Variants in CCDC110 observed in about 807,000 individuals in gnomAD.
CCDC110 encodes the protein coiled-coil domain-containing protein 110.
A neutral mutation model predicts 77.1 loss-of-function variants in CCDC110; 70 were observed. The observed-to-expected ratio is 0.91, with a 90% CI of 0.75 to 1.11. The LOEUF is 1.11. Ranked by LOEUF, CCDC110 falls within the 50% of genes least tolerant of loss-of-function variation. The probability of loss-of-function intolerance (pLI) is 0.00; values close to 1 mark genes in which losing one functional copy is unlikely to be tolerated. For missense variants in CCDC110, 868 were observed against 942.9 expected (o/e 0.92, Z 1.04); for synonymous variants, 295 against 312.5 (o/e 0.94, Z 0.59).
chr4:185,465,560 A>G lies in CCDC110; in HGVS notation c.116-2511T>C, dbSNP rs556705396. On this transcript the variant is annotated intron_variant, in intron 2 of 6. Transcript: ENST00000307588. ...AGGAGACAGGGGCTAGGTTATGCAG[A>G]GCCTCCAGGCCAAGCTGAGCGGGTT... 3.9e-5 allele frequency among the ~76,000 whole-genome samples: 6 copies of G among 152,312 alleles called. 1 individual carries two copies. Among genetic ancestry groups the G allele is most frequent in the Non-Finnish European group, 2.9e-5 (2 of 68,030 alleles).
intron 6 of CCDC110, among the ~76,000 whole-genome samples, chr4:185,452,888 C>CAAAA (rs70962569): frequency 1.5e-4 from 10 of 67,230 alleles, no homozygotes; most frequent in South Asian, 4.8e-4. Flanking sequence ...GAGTGAGACT[C>CAAAA]AAAAAAAAAA....
chr4:185,450,530 C>CA (rs1208531405), intron 6 of CCDC110, among the ~76,000 whole-genome samples: 1 of 152,158 alleles, frequency 6.6e-6, no homozygotes, highest in Non-Finnish European at 1.5e-5. Context: ...GGGTGGATCA[C>CA]AAGGTTAGGA....
chr4:185,445,483 T>G lies in CCDC110; in HGVS notation c.*19A>C. The G allele has an allele frequency of 6.5e-7, 1 of 1,550,324 alleles. No individual in the cohort carries two copies. Among genetic ancestry groups the G allele is most frequent in the Non-Finnish European group, 8.9e-7 (1 of 1,129,606 alleles). On this transcript the variant is annotated 3_prime_UTR_variant, in exon 7 of 7. Coordinates refer to ENST00000307588, the MANE Select transcript of CCDC110 (RefSeq NM_152775.4). ...TTGGCTATTTCTCGAAGGGAGTTTC[T>G]TAGCAATCTTGAGGAATCCTAATGA...
intron 4 of CCDC110, among the ~76,000 whole-genome samples, chr4:185,461,454 G>C (rs896075277): frequency 1.3e-5 from 2 of 152,102 alleles, no homozygotes; most frequent in African/African-American, 4.8e-5. Context: ...GAGACCTTTG[G>C]AATCTATTCT....
intron 6 of CCDC110, chr4:185,457,302 C>G: frequency 2.2e-6 from 1 of 456,236 alleles, no homozygotes; most frequent in Non-Finnish European, 4.4e-6. Flanking sequence ...TCCTCTGGAG[C>G]CAGGGCAGGC....
intron 6 of CCDC110, chr4:185,449,861 C>T: frequency 2.5e-6 from 1 of 398,828 alleles, no homozygotes. Context: ...TAGATCTATG[C>T]TTCTGAGCAG....
At chr4:185,455,824 A>T (rs1036333937) in intron 6 of CCDC110, among the ~76,000 whole-genome samples, 2 of 152,118 alleles carry the variant, frequency 1.3e-5, no homozygotes, top group African/African-American at 4.8e-5. Flanking sequence ...TGGAGGTTGC[A>T]GTGAGCTGAG....
Position 185,460,223 on chromosome 4 carries a change from C to A in CCDC110, c.364G>T (p.Glu122Ter). The A allele has an allele frequency of 6.2e-7, 1 of 1,602,144 alleles. No homozygotes were observed. The highest frequency in any genetic ancestry group is 8.5e-7 in the Non-Finnish European group (1 of 1,178,074). ...CTTTTCTCCATAGAAAGGTTTTCTTCTTGATTCTCTGTAGGCTGTAACAAT... is the reference window on the plus strand; with the variant it reads ...CTTTTCTCCATAGAAAGGTTTTCTTATTGATTCTCTGTAGGCTGTAACAAT... ...IEKDLPTENQ[E>*]ENLSMEKSHH... is the part of the protein sequence containing the mutation. Residue 122 changes from glutamate to a stop codon, truncating the protein, a stop_gained, in exon 6 of 7, where the codon GAA becomes TAA. Coordinates refer to ENST00000307588, the MANE Select transcript of CCDC110 (RefSeq NM_152775.4). LOFTEE classifies it high-confidence loss of function.
chr4:185,459,965 G>A lies in CCDC110; in HGVS notation c.622C>T (p.Pro208Ser), dbSNP rs1023429504. 4.3e-6 allele frequency: 7 copies of A among 1,613,586 alleles called. No individual in the cohort carries two copies. The African/African-American group carries it at 8.0e-5, about 18-fold the overall frequency. Residue 208 changes from proline to serine, a missense_variant, in exon 6 of 7, where the codon CCT (proline) becomes TCT (serine). Transcript: ENST00000307588. Reference sequence around the variant, plus strand: ...TCAGCTTGAGACATCACATTTGGAGGTGCAGTAGGTAGAAAACGATAAAAG... The same window carrying A: ...TCAGCTTGAGACATCACATTTGGAGATGCAGTAGGTAGAAAACGATAAAAG... ...NNFYRFLPTA[P>S]PNVMSQADTV...
intron 5 of CCDC110, 23 bp from the exon 6 acceptor site, chr4:185,460,261 A>C (rs1486972775): frequency 1.0e-5 from 16 of 1,524,234 alleles, no homozygotes; most frequent in Non-Finnish European, 1.4e-5. Flanking sequence ...GAAGTACACT[A>C]TAAATGTATT....
chr4:185,470,641 C>G, intron 2 of CCDC110: 1 of 516,628 alleles, frequency 1.9e-6, no homozygotes, highest in Admixed American at 2.3e-5. Context: ...CCGGAGCCGC[C>G]CTGCTGAATG....
chr4:185,467,697 G>GT (rs961186417), intron 2 of CCDC110, among the ~76,000 whole-genome samples: 1 of 152,194 alleles, frequency 6.6e-6, no homozygotes, highest in African/African-American at 2.4e-5. Flanking sequence ...AAAAAATATT[G>GT]TATTCAATGT....
At chr4:185,445,579 G>T (rs999005592) in intron 6 of CCDC110, 37 bp from the exon 7 acceptor site, 1 of 1,283,932 alleles carries the variant, frequency 7.8e-7, no homozygotes, top group Non-Finnish European at 1.1e-6. Context: ...AATTAAAAAT[G>T]CCAACATAAC....
At chr4:185,452,077 G>T (rs1271243128) in intron 6 of CCDC110, 1 of 384,376 alleles carries the variant, frequency 2.6e-6, no homozygotes, top group Non-Finnish European at 3.6e-6. Context: ...CATTCGATCT[G>T]ACAGGTGCAA....
In CCDC110 at chr4:185,460,049, A is replaced by G; in HGVS notation, c.538T>C (p.Ser180Pro). The G allele has an allele frequency of 6.2e-7, 1 of 1,613,824 alleles. No individual in the cohort carries two copies. Among genetic ancestry groups the G allele is most frequent in the South Asian group, 1.1e-5 (1 of 91,030 alleles). ...LTLRTSTDNL[S>P]SNIIIHPSEN... is the part of the protein sequence containing the mutation. Reference sequence around the variant, plus strand: ...GAAGGGTGTATAATTATGTTTGAAGATAAATTGTCTGTTGAAGTTCTCAGA... The same window carrying G: ...GAAGGGTGTATAATTATGTTTGAAGGTAAATTGTCTGTTGAAGTTCTCAGA... The change falls in exon 6 of 7, where the codon TCT becomes CCT. Residue 180 changes from serine to proline, a missense_variant. Transcript: ENST00000307588.
At chr4:185,447,426 C>T (rs1167291237) in intron 6 of CCDC110, among the ~76,000 whole-genome samples, 2 of 152,098 alleles carry the variant, frequency 1.3e-5, no homozygotes, top group Non-Finnish European at 2.9e-5. Context: ...GTGATCCACC[C>T]ACCTTGGCCT....
chr4:185,453,544 T>C (rs1488748351), intron 6 of CCDC110, among the ~76,000 whole-genome samples: 1 of 95,092 alleles, frequency 1.1e-5, no homozygotes, highest in South Asian at 3.6e-4. Context: ...ACAGTCTTGC[T>C]TTTTTTTTTT....
At chr4:185,453,285 A>C (rs1433423959) in intron 6 of CCDC110, among the ~76,000 whole-genome samples, 1 of 152,240 alleles carries the variant, frequency 6.6e-6, no homozygotes, top group Non-Finnish European at 1.5e-5. Context: ...GTTGTAAATA[A>C]GTTGTAAGGT....
chr4:185,447,784 A>G (rs2095618370), intron 6 of CCDC110, among the ~76,000 whole-genome samples: 1 of 152,178 alleles, frequency 6.6e-6, no homozygotes, highest in Non-Finnish European at 1.5e-5. Flanking sequence ...CCACCCCCCA[A>G]ACTCTAATAC....
Sources: gnomAD v4.1 joint callset for allele counts (sites outside exome capture counted in the v4.1 genomes callset) on GRCh38, gnomAD v4.1.1 for gene constraint, MANE v1.5 for transcripts, NCBI Gene and HGNC (gene_info 2026-07-23, HGNC 2026-07-21) for gene names.